The following CALN1 variants were observed in gnomAD, a reference collection of about 807,000 sequenced individuals.
CALN1 encodes calcium-binding protein 8.
CALN1 carries 17 observed loss-of-function variants against 30.6 expected under a neutral mutation model. That is an observed-to-expected ratio of 0.56 (90% CI 0.38 to 0.83). The LOEUF is 0.83. Ranked by LOEUF, CALN1 falls within the 40% of genes least tolerant of loss-of-function variation. The pLI is 0.00. For missense variants in CALN1, 291 were observed against 354.9 expected (o/e 0.82, Z 1.45); for synonymous variants, 156 against 131.4 (o/e 1.19, Z -1.28).
chr7:72,321,792 G>A (rs1454201854), intron 2 of CALN1, among the ~76,000 whole-genome samples: 1 of 152,100 alleles, frequency 6.6e-6, no homozygotes, highest in East Asian at 1.9e-4. Context: ...CCCTTACCAA[G>A]AACAGCACAA....
At chr7:72,098,943 G>C (rs961147230) in intron 4 of CALN1, among the ~76,000 whole-genome samples, 1 of 152,122 alleles carries the variant, frequency 6.6e-6, no homozygotes, top group African/African-American at 2.4e-5. Flanking sequence ...CTAATCCAGG[G>C]AGATGACTGT....
At chr7:72,499,893 C>CTTTCTT in the CALN1 span, among the ~76,000 whole-genome samples, 2 of 45,906 alleles carry the variant, frequency 4.4e-5, no homozygotes, top group African/African-American at 2.6e-4. Context: ...TTCTTTCTTT[C>CTTTCTT]TTTCTTTCTT....
chr7:72,292,737 C>T (rs547832634), intron 2 of CALN1, among the ~76,000 whole-genome samples: 1 of 142,372 alleles, frequency 7.0e-6, no homozygotes, highest in South Asian at 2.2e-4. Flanking sequence ...AGGAGAATCA[C>T]TTGAACCTGG....
intron 3 of CALN1, among the ~76,000 whole-genome samples, chr7:72,248,851 C>T (rs1366156935): frequency 6.6e-6 from 1 of 151,792 alleles, no homozygotes; most frequent in Non-Finnish European, 1.5e-5. Context: ...AATCTCAATC[C>T]CATTTTGAGA....
chr7:72,340,494 A>G (rs950187166), intron 2 of CALN1, among the ~76,000 whole-genome samples: 1 of 152,178 alleles, frequency 6.6e-6, no homozygotes, highest in African/African-American at 2.4e-5. Context: ...CTGTAAGCCA[A>G]CTGGGTGGTT....
chr7:72,369,999 C>T (rs1171703295), intron 2 of CALN1, among the ~76,000 whole-genome samples: 1 of 151,992 alleles, frequency 6.6e-6, no homozygotes, highest in Non-Finnish European at 1.5e-5. Flanking sequence ...ATGTAATGTA[C>T]ATCATACAAA....
intron 3 of CALN1, among the ~76,000 whole-genome samples, chr7:72,137,672 G>C (rs751816363): frequency 1.3e-5 from 2 of 152,180 alleles, no homozygotes; most frequent in Non-Finnish European, 2.9e-5. Context: ...TTGGATAACT[G>C]GGGAAATTTG....
intron 2 of CALN1, among the ~76,000 whole-genome samples, chr7:72,353,466 G>GA (rs1444959213): frequency 6.6e-6 from 1 of 151,884 alleles, no homozygotes. Flanking sequence ...CCTATTTATA[G>GA]AAGAAAAAAT....
chr7:71,837,433 G>GA (rs1368993704), intron 5 of CALN1, among the ~76,000 whole-genome samples: 1 of 151,986 alleles, frequency 6.6e-6, no homozygotes. Context: ...AACTATAAGG[G>GA]AAGAAAACCC....
At chr7:72,163,392 T>TAAAAAAAAAAAAAA (rs55881217) in intron 3 of CALN1, among the ~76,000 whole-genome samples, 2 of 79,302 alleles carry the variant, frequency 2.5e-5, no homozygotes, top group African/African-American at 1.2e-4. Flanking sequence ...TATTGGAGAT[T>TAAAAAAAAAAAAAA]AAAAAAAAAA....
chr7:71,789,112 T>C (rs1257530644), intron 6 of CALN1, among the ~76,000 whole-genome samples: 3 of 149,896 alleles, frequency 2.0e-5, no homozygotes, highest in Admixed American at 6.7e-5. Flanking sequence ...CACTGGGAGG[T>C]TTTTGAAAAT....
At chr7:71,950,373 T>C (rs1227185237) in intron 5 of CALN1, among the ~76,000 whole-genome samples, 1 of 152,180 alleles carries the variant, frequency 6.6e-6, no homozygotes, top group Non-Finnish European at 1.5e-5. Flanking sequence ...GAATAGGATC[T>C]AGGTCTCCGA....
intron 3 of CALN1, among the ~76,000 whole-genome samples, chr7:72,189,898 T>A (rs1790481268): frequency 6.6e-6 from 1 of 152,204 alleles, no homozygotes; most frequent in Non-Finnish European, 1.5e-5. Flanking sequence ...ATACAATACT[T>A]TGAATGCATA....
At chr7:72,250,792 A>C (rs1421609237) in intron 3 of CALN1, among the ~76,000 whole-genome samples, 2 of 152,148 alleles carry the variant, frequency 1.3e-5, no homozygotes, top group Non-Finnish European at 2.9e-5. Flanking sequence ...GCCTCACCAG[A>C]AGTCCAGCAG....
intron 1 of CALN1, among the ~76,000 whole-genome samples, chr7:72,419,418 G>A (rs1041628414): frequency 2.6e-5 from 4 of 152,074 alleles, no homozygotes; most frequent in South Asian, 2.1e-4. Context: ...TTTGGCTGCC[G>A]TATTTTCCTC....
At chr7:72,277,412 G>T (rs1318055404) in intron 3 of CALN1, among the ~76,000 whole-genome samples, 1 of 152,122 alleles carries the variant, frequency 6.6e-6, no homozygotes, top group African/African-American at 2.4e-5. Context: ...ACCAGAAGAT[G>T]TAAGGGTTCC....
the CALN1 span, among the ~76,000 whole-genome samples, chr7:72,495,922 T>C: frequency 6.6e-6 from 1 of 152,166 alleles, no homozygotes; most frequent in African/African-American, 2.4e-5. Flanking sequence ...CAATTTGTTA[T>C]TGTTTTCAGT....
At chr7:72,432,331 A>G (rs1808005360) in intron 1 of CALN1, among the ~76,000 whole-genome samples, 1 of 151,890 alleles carries the variant, frequency 6.6e-6, no homozygotes, top group African/African-American at 2.4e-5. Context: ...AGTCCATTAA[A>G]CCTCTTTTTC....
intron 6 of CALN1, among the ~76,000 whole-genome samples, chr7:71,799,275 G>C (rs1297771179): frequency 6.6e-6 from 1 of 152,088 alleles, no homozygotes; most frequent in Admixed American, 6.5e-5. Flanking sequence ...TGGAGAAAAG[G>C]AGACTCTCAA....
Sources: gnomAD v4.1 joint callset for allele counts (sites outside exome capture counted in the v4.1 genomes callset) on GRCh38, gnomAD v4.1.1 for gene constraint, MANE v1.5 for transcripts, NCBI Gene and HGNC (gene_info 2026-07-23, HGNC 2026-07-21) for gene names.